The following PPIP5K2 variants were observed in gnomAD, a reference collection of about 807,000 sequenced individuals.
The protein encoded by PPIP5K2 is diphosphoinositol pentakisphosphate kinase 2.
Under a neutral mutation model 154.6 loss-of-function variants are expected in PPIP5K2, and 105 were observed. That is an observed-to-expected ratio of 0.68 (90% CI 0.58 to 0.80). The LOEUF (loss-of-function observed/expected upper bound fraction) is 0.80. Among genes scored for constraint, PPIP5K2 ranks in the 30% least tolerant of loss-of-function variants. The pLI is 0.00. For missense variants in PPIP5K2, 992 were observed against 1,504.6 expected (o/e 0.66, Z 5.64); for synonymous variants, 480 against 490.3 (o/e 0.98, Z 0.28).
chr5:103,147,848 GT>G, intron 6 of PPIP5K2, 82 bp from the exon 7 acceptor site: 3 of 805,734 alleles, frequency 3.7e-6, no homozygotes, highest in Non-Finnish European at 6.0e-6. Flanking sequence ...GAAATAGATG[GT>G]AAATAAACTA....
At chr5:103,138,789 A>G (rs782631877) in intron 5 of PPIP5K2, among the ~76,000 whole-genome samples, 1 of 152,246 alleles carries the variant, frequency 6.6e-6, no homozygotes, top group African/African-American at 2.4e-5. Flanking sequence ...ATCTATGACT[A>G]TTGAATTAAG....
chr5:103,138,678 CTTCTT>C (rs1792015839), intron 5 of PPIP5K2, among the ~76,000 whole-genome samples: 2 of 152,314 alleles, frequency 1.3e-5, no homozygotes, highest in East Asian at 3.9e-4. Context: ...TTATCCTTCT[CTTCTT>C]TGGCCTACTT....
chr5:103,149,411 C>T (rs1312064049), intron 8 of PPIP5K2, 98 bp downstream of exon 8: 1 of 1,151,646 alleles, frequency 8.7e-7, no homozygotes, highest in African/African-American at 1.6e-5. Flanking sequence ...GAGAAGTAAA[C>T]CGAGAAAGTA....
chr5:103,164,981 A>G (rs782281868), intron 17 of PPIP5K2, among the ~76,000 whole-genome samples: 1 of 152,078 alleles, frequency 6.6e-6, no homozygotes, highest in Admixed American at 6.6e-5. Flanking sequence ...ACTCCTTTAC[A>G]TCCTAGTGGT....
intron 30 of PPIP5K2, among the ~76,000 whole-genome samples, chr5:103,195,611 GCT>G (rs1363407933): frequency 2.0e-5 from 3 of 151,918 alleles, no homozygotes; most frequent in Non-Finnish European, 4.4e-5. Context: ...TTCCTGAAAT[GCT>G]CTCTTACCCT....
At chr5:103,157,421 G>A (rs1398354491) in intron 14 of PPIP5K2, among the ~76,000 whole-genome samples, 2 of 152,092 alleles carry the variant, frequency 1.3e-5, no homozygotes, top group African/African-American at 4.8e-5. Context: ...TAGAATAAAT[G>A]TTAGGCTCTG....
rs182294994 is a variant in PPIP5K2 at position 103,149,853 on chromosome 5, T to G, written c.906+540T>G. Among the ~76,000 whole-genome samples, 284 of 152,028 alleles carry G rather than the reference T, an allele frequency of 1.9e-3. 1 individual carries two copies. The highest frequency in any genetic ancestry group is 6.6e-3 in the African/African-American group (272 of 41,478). ...CTGGGATTACAGGCACCCACCACCATGCCCGGCTAATTTTTGTATTTTTAG... is the reference window on the plus strand; with the variant it reads ...CTGGGATTACAGGCACCCACCACCAGGCCCGGCTAATTTTTGTATTTTTAG... On this transcript the variant is annotated intron_variant, in intron 8 of 30. Coordinates refer to ENST00000358359, the MANE Select transcript of PPIP5K2 (RefSeq NM_001276277.3).
At chr5:103,186,742 T>G (rs1800450656) in intron 27 of PPIP5K2, among the ~76,000 whole-genome samples, 1 of 152,202 alleles carries the variant, frequency 6.6e-6, no homozygotes, top group African/African-American at 2.4e-5. Context: ...AAGCGTTTCT[T>G]TGATCTTTTA....
At chr5:103,171,207 G>T (rs781980302) in intron 19 of PPIP5K2, among the ~76,000 whole-genome samples, 15 of 151,384 alleles carry the variant, frequency 9.9e-5, no homozygotes, top group Admixed American at 9.2e-4. Flanking sequence ...TTTTTAACCA[G>T]GCTTAATCCT....
intron 1 of PPIP5K2, among the ~76,000 whole-genome samples, chr5:103,126,408 T>C (rs1255903939): frequency 1.3e-5 from 2 of 152,290 alleles, no homozygotes; most frequent in South Asian, 2.1e-4. Context: ...TACTTTTTTT[T>C]CCCCGAAAGT....
intron 5 of PPIP5K2, among the ~76,000 whole-genome samples, chr5:103,145,959 T>C (rs1250792404): frequency 6.6e-6 from 1 of 152,076 alleles, no homozygotes; most frequent in Non-Finnish European, 1.5e-5. Context: ...TATTACACAT[T>C]GTATGCCTGT....
intron 23 of PPIP5K2, among the ~76,000 whole-genome samples, chr5:103,179,501 G>A (rs1562480766): frequency 6.6e-6 from 1 of 151,984 alleles, no homozygotes; most frequent in Non-Finnish European, 1.5e-5. Context: ...AACAATTCAT[G>A]GCACATGTTA....
Position 103,186,440 on chromosome 5 carries a change from G to A in PPIP5K2, c.3289+1G>A. 1 of 1,613,728 alleles carries A rather than the reference G, an allele frequency of 6.2e-7. No individual in the cohort carries two copies. Among genetic ancestry groups the A allele is most frequent in the Non-Finnish European group, 8.5e-7 (1 of 1,179,762 alleles). ...CTGACCTCTTCTGGCTGCATAGATGGTATGTGCACACATGCACACACAGAT... is the reference window on the plus strand; with the variant it reads ...CTGACCTCTTCTGGCTGCATAGATGATATGTGCACACATGCACACACAGAT... On this transcript the variant is annotated splice_donor_variant, in intron 27 of 30. Transcript: ENST00000358359. LOFTEE classifies it high-confidence loss of function.
chr5:103,122,637 T>G (rs1266685637), intron 1 of PPIP5K2, among the ~76,000 whole-genome samples: 2 of 152,166 alleles, frequency 1.3e-5, no homozygotes, highest in Non-Finnish European at 2.9e-5. Flanking sequence ...GGAGACACCA[T>G]TTATAACAGT....
At position 103,129,493 on chromosome 5, in the gene PPIP5K2, A is replaced by G; in HGVS notation, c.-97A>G. The G allele has an allele frequency of 1.0e-6, 1 of 969,736 alleles. No individual in the cohort carries two copies. Among genetic ancestry groups the G allele is most frequent in the Non-Finnish European group, 1.4e-6 (1 of 691,756 alleles). The allele number at this position is 969,736 out of a possible 1,614,324, so 60.1% of individuals were successfully genotyped here. A position where few individuals can be genotyped will look rare whatever the true frequency, so the allele number is the denominator to read the frequency against. On this transcript the variant is annotated 5_prime_UTR_variant, in exon 2 of 31. Coordinates refer to ENST00000358359, the MANE Select transcript of PPIP5K2 (RefSeq NM_001276277.3). ...ACAAGCTGTCACAGACCTGTGCGTC[A>G]GCTAATATATGGAGAATGCTTTCTT...
Position 103,133,550 on chromosome 5 carries a change from A to G in PPIP5K2, c.212A>G (p.Lys71Arg). The G allele has an allele frequency of 1.2e-6, 2 of 1,612,824 alleles. No individual in the cohort carries two copies. Among genetic ancestry groups the G allele is most frequent in the Non-Finnish European group, 1.7e-6 (2 of 1,179,550 alleles). The change falls in exon 3 of 31, where the codon AAA (lysine) becomes AGA (arginine). Residue 71 changes from lysine (K) to arginine (R), a missense_variant. Physicochemically the swap from Lys to Arg is conservative, Grantham distance 26 (BLOSUM62 2). Coordinates refer to ENST00000358359, the MANE Select transcript of PPIP5K2 (RefSeq NM_001276277.3). ...ATTCTTGAACGGATCTCCTTATTTA[A>G]ATATATCACAGTAGTAGTATTTGAA... ...KEILERISLF[K>R]YITVVVFEEE... is the part of the protein sequence containing the mutation.
intron 3 of PPIP5K2, chr5:103,136,067 A>C (rs1554204092): frequency 7.1e-6 from 1 of 141,754 alleles, no homozygotes; most frequent in African/African-American, 2.7e-5. Context: ...CACCTCCTGG[A>C]TTTGAGTGAT....
intron 29 of PPIP5K2, among the ~76,000 whole-genome samples, chr5:103,193,792 C>T (rs1801639446): frequency 6.6e-6 from 1 of 152,122 alleles, no homozygotes; most frequent in African/African-American, 2.4e-5. Flanking sequence ...TTTTCAAAAG[C>T]ATGCTGCCTC....
chr5:103,176,625 A>T (rs1300301222), intron 21 of PPIP5K2, among the ~76,000 whole-genome samples: 7 of 148,260 alleles, frequency 4.7e-5, no homozygotes, highest in Non-Finnish European at 9.1e-5. Context: ...GTATACTCTT[A>T]GTGTATACAA....
Sources: allele counts gnomAD v4.1 joint callset (sites outside exome capture counted in the v4.1 genomes callset), GRCh38; gene constraint gnomAD v4.1.1; transcripts MANE v1.5; gene names NCBI Gene and HGNC (gene_info 2026-07-23, HGNC 2026-07-21).